ACADM: variants seen among roughly 807,000 people sequenced by gnomAD.
ACADM encodes the protein medium-chain specific acyl-CoA dehydrogenase, mitochondrial.
Under a neutral mutation model 58.9 loss-of-function variants are expected in ACADM, and 49 were observed. The ratio of observed to expected loss-of-function variants is 0.83; its 90% CI spans 0.66 to 1.06. The LOEUF (loss-of-function observed/expected upper bound fraction) is 1.06, where lower values mean the gene tolerates loss of function less well. Among genes scored for constraint, ACADM ranks in the 50% least tolerant of loss-of-function variants. The pLI is 0.00. For synonymous variants in ACADM, 160 were observed against 157.7 expected (o/e 1.01, Z -0.11); for missense variants, 496 against 507.0 (o/e 0.98, Z 0.21).
intron 7 of ACADM, among the ~76,000 whole-genome samples, chr1:75,740,604 C>A: frequency 6.6e-6 from 1 of 151,628 alleles, no homozygotes. Flanking sequence ...TGAAGTTCAA[C>A]AAAGGATCAA....
At chr1:75,734,303 A>T (rs1279661239) in intron 5 of ACADM, among the ~76,000 whole-genome samples, 1 of 149,746 alleles carries the variant, frequency 6.7e-6, no homozygotes, top group Admixed American at 6.7e-5. Context: ...AACTGGGACT[A>T]CAGGCGCCCG....
intron 6 of ACADM, among the ~76,000 whole-genome samples, chr1:75,737,962 G>A (rs1647360338): frequency 1.3e-5 from 2 of 152,246 alleles, no homozygotes; most frequent in Admixed American, 6.5e-5. Context: ...TGTTGCCCAG[G>A]TCGGAGTGCA....
At chr1:75,728,265 C>A in intron 1 of ACADM, 136 bp from the exon 2 acceptor site, 1 of 589,834 alleles carries the variant, frequency 1.7e-6, no homozygotes, top group Non-Finnish European at 3.0e-6. Flanking sequence ...TGATTGAAGG[C>A]ATTTAAATAG....
rs182695166 is a variant in ACADM, at chr1:75,760,669, T to C, written c.946-453T>C. On this transcript the variant is annotated intron_variant, in intron 10 of 11. Coordinates refer to ENST00000370841, the MANE Select transcript of ACADM (RefSeq NM_000016.6). The stretch of plus-strand genomic sequence containing the variant: ...CAAAGACGTAAAAGATAAGGAAGGA[T>C]TGAGGAATTATAATAGCCTGGGAAA... 2.9e-4 allele frequency among the ~76,000 whole-genome samples: 43 copies of C among 150,242 alleles called. No individual in the cohort carries two copies. The East Asian group carries it at 7.6e-3, about 27-fold the overall frequency.
Position 75,724,752 on chromosome 1 carries a change from T to G in ACADM, c.-36T>G. 1 of 1,537,368 alleles carries G rather than the reference T, an allele frequency of 6.5e-7. No individual in the cohort carries two copies. The highest frequency in any genetic ancestry group is 8.8e-7 in the Non-Finnish European group (1 of 1,141,218). On this transcript the variant is annotated 5_prime_UTR_variant, in exon 1 of 12. Coordinates refer to ENST00000370841, the MANE Select transcript of ACADM (RefSeq NM_000016.6). Reference sequence around the variant, plus strand: ...GGGAGTATGTCAAGGCCGTGACCCGTGTATTATTGTCCGAGTGGCCGGAAC... The same window carrying G: ...GGGAGTATGTCAAGGCCGTGACCCGGGTATTATTGTCCGAGTGGCCGGAAC...
At chr1:75,751,151 C>T (rs1481783395) in intron 10 of ACADM, among the ~76,000 whole-genome samples, 1 of 150,622 alleles carries the variant, frequency 6.6e-6, no homozygotes, top group East Asian at 2.1e-4. Flanking sequence ...ACCATCCTGG[C>T]TAACACGGTG....
intron 8 of ACADM, among the ~76,000 whole-genome samples, chr1:75,746,598 A>AT (rs769123360): frequency 0.26 from 36,555 of 140,394 alleles, 4,932 homozygotes; most frequent in Middle Eastern, 0.37. Context: ...CAATAAAGTA[A>AT]TTTTTTTTTT....
intron 10 of ACADM, among the ~76,000 whole-genome samples, chr1:75,756,967 C>T (rs1339128854): frequency 2.6e-5 from 4 of 152,058 alleles, no homozygotes; most frequent in Non-Finnish European, 5.9e-5. Context: ...GGGAAGGATT[C>T]CCTATTTAAT....
At chr1:75,762,617 C>G (rs1648913095) in intron 11 of ACADM, 75 bp from the exon 12 acceptor site, 3 of 937,326 alleles carry the variant, frequency 3.2e-6, no homozygotes, top group African/African-American at 1.6e-5. Flanking sequence ...GCTTATGCTA[C>G]TGTCTAAAAT....
At position 75,743,465 on chromosome 1, in the gene ACADM, T is replaced by C. The variant is rs1190277101; in HGVS notation, c.600-2341T>C. Reference sequence around the variant, plus strand: ...CTGGGATCCTCTACCGCTGCCTTGATTTTGCGGAGGAAAGTCACAGCCTCT... The same window carrying C: ...CTGGGATCCTCTACCGCTGCCTTGACTTTGCGGAGGAAAGTCACAGCCTCT... On this transcript the variant is annotated intron_variant, in intron 7 of 11. Transcript: ENST00000370841. 3.1e-6 allele frequency: 5 copies of C among 1,611,552 alleles called. No individual in the cohort carries two copies. The Admixed American group carries it at 6.7e-5, about 21-fold the overall frequency.
rs1647740221 is a variant in ACADM, at chr1:75,744,037, A to G, written c.600-1769A>G. 3 of 1,583,862 alleles carry G rather than the reference A, an allele frequency of 1.9e-6. No homozygotes were observed. In the African/African-American group the frequency reaches 4.0e-5, roughly 21 times the overall value. On this transcript the variant is annotated intron_variant, in intron 7 of 11. Transcript: ENST00000370841. Reference sequence around the variant, plus strand: ...ATCAATCTCATTAAAAATTGTCAGCATTGGCACATGTATTCTGGGCCTCCT... The same window carrying G: ...ATCAATCTCATTAAAAATTGTCAGCGTTGGCACATGTATTCTGGGCCTCCT...
chr1:75,759,235 A>G (rs976196093), intron 10 of ACADM, among the ~76,000 whole-genome samples: 1 of 152,216 alleles, frequency 6.6e-6, no homozygotes, highest in Non-Finnish European at 1.5e-5. Context: ...TGGAGGCTTC[A>G]TTACATAGGC....
intron 6 of ACADM, among the ~76,000 whole-genome samples, chr1:75,735,871 T>C (rs1028419811): frequency 6.7e-6 from 1 of 149,432 alleles, no homozygotes; most frequent in African/African-American, 2.5e-5. Flanking sequence ...TAATGTGGGC[T>C]GGGCATAGTG....
At chr1:75,725,545 C>T (rs1301257276) in intron 1 of ACADM, among the ~76,000 whole-genome samples, 1 of 152,178 alleles carries the variant, frequency 6.6e-6, no homozygotes, top group East Asian at 1.9e-4. Context: ...CTATTTTTAA[C>T]TCCTACACCA....
At chr1:75,746,350 T>G (rs908349135) in intron 8 of ACADM, among the ~76,000 whole-genome samples, 1 of 151,992 alleles carries the variant, frequency 6.6e-6, no homozygotes, top group Non-Finnish European at 1.5e-5. Flanking sequence ...CATACAACAC[T>G]AAGAAAAAAG....
intron 6 of ACADM, among the ~76,000 whole-genome samples, chr1:75,737,315 T>C (rs1286075087): frequency 2.7e-5 from 3 of 112,466 alleles, no homozygotes; most frequent in African/African-American, 9.8e-5. Flanking sequence ...TATATATATA[T>C]ATATATATAT....
At chr1:75,744,437 G>T in intron 7 of ACADM, 1 of 1,504,872 alleles carries the variant, frequency 6.6e-7, no homozygotes, top group Non-Finnish European at 9.3e-7. Flanking sequence ...GATGGAACCT[G>T]CACCAATGTC....
intron 2 of ACADM, among the ~76,000 whole-genome samples, chr1:75,730,866 T>A (rs1332239500): frequency 6.6e-6 from 1 of 152,150 alleles, no homozygotes; most frequent in Non-Finnish European, 1.5e-5. Context: ...TGCTATCAAC[T>A]GGCACCAATC....
Position 75,735,884 on chromosome 1 carries a change from T to C in ACADM, c.468+1013T>C, listed in dbSNP as rs186395419. On this transcript the variant is annotated intron_variant, in intron 6 of 11. Coordinates refer to ENST00000370841, the MANE Select transcript of ACADM (RefSeq NM_000016.6). ...ATTAATGTGGGCTGGGCATAGTGGC[T>C]CACACCTGTAATGTCAGCACTTTGA... is the stretch of plus-strand genomic sequence containing the variant. 4.6e-3 allele frequency among the ~76,000 whole-genome samples: 688 copies of C among 150,556 alleles called. 1 individual carries two copies. Among genetic ancestry groups the C allele is most frequent in the Non-Finnish European group, 7.5e-3 (506 of 67,810 alleles).
Sources: allele counts gnomAD v4.1 joint callset (sites outside exome capture counted in the v4.1 genomes callset), GRCh38; gene constraint gnomAD v4.1.1; transcripts MANE v1.5; gene names NCBI Gene and HGNC (gene_info 2026-07-23, HGNC 2026-07-21).